The following RBBP8 variants were observed in gnomAD, a reference collection of about 807,000 sequenced individuals.
RBBP8 encodes the protein DNA endonuclease RBBP8.
In RBBP8, 88 loss-of-function variants were observed where a neutral mutation model predicts 108.3. The observed-to-expected ratio is 0.81, with a 90% confidence interval of 0.68 to 0.97. The LOEUF (loss-of-function observed/expected upper bound fraction) is 0.97. Ranked by LOEUF, RBBP8 falls within the 50% of genes least tolerant of loss-of-function variation. RBBP8 has a pLI of 0.00. For synonymous variants in RBBP8, 332 were observed against 348.2 expected, an observed-to-expected ratio of 0.95 and a Z score of 0.52; for missense variants, 1,023 against 1,049.0, an observed-to-expected ratio of 0.98 and a Z score of 0.34.
chr18:22,920,758 T>C (rs551406327), intron 3 of RBBP8: 55 of 152,278 alleles, frequency 3.6e-4, no homozygotes, highest in African/African-American at 1.3e-3. Context: ...ACCATCTGAC[T>C]CACCTGGAGG....
intron 10 of RBBP8, among the ~76,000 whole-genome samples, chr18:22,992,399 T>C (rs577202977): frequency 5.3e-4 from 81 of 152,320 alleles, no homozygotes; most frequent in African/African-American, 1.8e-3. Flanking sequence ...TTTCACCATG[T>C]TAGCCAGGCT....
chr18:23,022,284 T>C lies in RBBP8; in HGVS notation c.2596+14T>C, dbSNP rs1720234006. On this transcript the variant is annotated intron_variant, in intron 18 of 18. Transcript: ENST00000327155. Reference sequence around the variant, plus strand: ...GTATGGAAAGAGGTGAGAGTATAGATTGTAACATTTTATAATTATTTTTTT... The same window carrying C: ...GTATGGAAAGAGGTGAGAGTATAGACTGTAACATTTTATAATTATTTTTTT... The C allele has an allele frequency of 6.3e-7, 1 of 1,594,008 alleles. No individual in the cohort carries two copies. Among genetic ancestry groups the C allele is most frequent in the Non-Finnish European group, 8.6e-7 (1 of 1,165,078 alleles).
At chr18:22,970,163 C>G (rs1324509826) in intron 5 of RBBP8, among the ~76,000 whole-genome samples, 1 of 152,164 alleles carries the variant, frequency 6.6e-6, no homozygotes. Flanking sequence ...ATGTAGTATT[C>G]GGTGTCTGGC....
At chr18:22,982,181 T>C (rs1268474789) in intron 6 of RBBP8, 37 bp from the exon 7 acceptor site, 2 of 1,586,708 alleles carry the variant, frequency 1.3e-6, no homozygotes, top group Admixed American at 1.7e-5. Flanking sequence ...TTAATACTCA[T>C]TGAATTGATT....
intron 7 of RBBP8, among the ~76,000 whole-genome samples, chr18:22,983,956 G>GTGC (rs1224590971): frequency 6.6e-6 from 1 of 152,038 alleles, no homozygotes; most frequent in Non-Finnish European, 1.5e-5. Flanking sequence ...TGGCACACGC[G>GTGC]TGCAGTCCCA....
rs531572127 is a variant in RBBP8, at chr18:22,924,348, T to C, written c.-153-5035T>C. Among the ~76,000 whole-genome samples the C allele has an allele frequency of 1.1e-3, 170 of 152,226 alleles. 1 individual carries two copies. The highest frequency in any genetic ancestry group is 6.3e-3 in the Admixed American group (97 of 15,282). On this transcript the variant is annotated intron_variant, in intron 3 of 4. Transcript: ENST00000577588. ...TTCACCACGTTGACGAGGATGGTCT[T>C]GATCTCTTGACCTCATGATCTGCCT...
In RBBP8 at chr18:22,993,210, C is replaced by G. The variant is rs768585275; in HGVS notation, c.1383C>G (p.Pro461=). The change falls in exon 11 of 19, where the codon CCC becomes CCG. Residue 461 remains proline (P), a synonymous_variant. Coordinates refer to ENST00000327155, the MANE Select transcript of RBBP8 (RefSeq NM_002894.3). ...EEESEHEVSC[P]QASFDKENAF... The stretch of plus-strand genomic sequence containing the variant: ...AAAGTGAACATGAAGTAAGCTGCCC[C>G]CAAGCTTCTTTTGATAAAGAAAATG... The G allele has an allele frequency of 1.5e-5, 24 of 1,614,134 alleles. No homozygotes were observed. The South Asian group carries it at 2.5e-4, about 17-fold the overall frequency.
At chr18:22,957,291 C>CTTTTTGTTTTTTTTTTTTTTT (rs1912645709) in intron 4 of RBBP8, among the ~76,000 whole-genome samples, 1 of 92,842 alleles carries the variant, frequency 1.1e-5, no homozygotes, top group Non-Finnish European at 1.9e-5. Context: ...ATTACTTTTT[C>CTTTTTGTTTTTTTTTTTTTTT]TTTTTTTTTT....
At chr18:22,954,408 C>G (rs1212721804) in intron 4 of RBBP8, among the ~76,000 whole-genome samples, 2 of 152,206 alleles carry the variant, frequency 1.3e-5, no homozygotes, top group African/African-American at 2.4e-5. Flanking sequence ...AATCCAAAAT[C>G]CAGCAGGGCA....
At chr18:22,994,014 C>CTGTTTTTT (rs2045801347) in intron 12 of RBBP8, among the ~76,000 whole-genome samples, 167 bp downstream of exon 12, 1 of 75,104 alleles carries the variant, frequency 1.3e-5, no homozygotes, top group African/African-American at 5.6e-5. Flanking sequence ...TTTTTCTGTT[C>CTGTTTTTT]TTTTTTTTTT....
chr18:22,989,431 C>G (rs985754039), intron 9 of RBBP8, 113 bp downstream of exon 9: 74 of 749,822 alleles, frequency 9.9e-5, no homozygotes, highest in Non-Finnish European at 3.6e-5. Context: ...GGGTAAAGGC[C>G]TGAAACAAAA....
At chr18:22,943,362 C>T (rs1050866053) in intron 2 of RBBP8, among the ~76,000 whole-genome samples, 34 of 151,992 alleles carry the variant, frequency 2.2e-4, no homozygotes, top group Non-Finnish European at 2.9e-4. Context: ...TCGCTTGGGC[C>T]TGGTAAGTCA....
chr18:23,025,943 T>C (rs2046444118), intron 18 of RBBP8, among the ~76,000 whole-genome samples, 200 bp from the exon 19 acceptor site: 1 of 152,240 alleles, frequency 6.6e-6, no homozygotes, highest in South Asian at 2.1e-4. Context: ...TGTAACCATT[T>C]GGTAAATATT....
At position 22,980,904 on chromosome 18, in the gene RBBP8, G is replaced by A. The variant is rs62095205; in HGVS notation, c.429-1314G>A. Among the ~76,000 whole-genome samples, 380 of 147,390 alleles carry A rather than the reference G, an allele frequency of 2.6e-3. 1 individual carries two copies. The highest frequency in any genetic ancestry group is 4.6e-3 in the Non-Finnish European group (310 of 67,132). ...AAATTTTTTAATATATTTGTACGTA[G>A]CAATAGGGTTTTGCCTGGGCCTCCC... On this transcript the variant is annotated intron_variant, in intron 6 of 18. Transcript: ENST00000327155.
At chr18:22,918,445 A>C (rs1909451341) in intron 3 of RBBP8, among the ~76,000 whole-genome samples, 1 of 152,172 alleles carries the variant, frequency 6.6e-6, no homozygotes, top group African/African-American at 2.4e-5. Context: ...ACTGTAACAT[A>C]GTGTGTGTGA....
rs755576879 is a variant in RBBP8 at position 23,022,117 on chromosome 18, T to G, written c.2455-12T>G. Reference sequence around the variant, plus strand: ...TTCTTTAGTGAAAAAACTTACCAGTTTTTATTATTAGTATTATGCAGATAT... The same window carrying G: ...TTCTTTAGTGAAAAAACTTACCAGTGTTTATTATTAGTATTATGCAGATAT... On this transcript the variant is annotated splice_polypyrimidine_tract_variant and intron_variant, in intron 17 of 18. Coordinates refer to ENST00000327155, the MANE Select transcript of RBBP8 (RefSeq NM_002894.3). 1.6e-5 allele frequency: 26 copies of G among 1,585,678 alleles called. No homozygotes were observed. Among genetic ancestry groups the G allele is most frequent in the Non-Finnish European group, 2.3e-5 (26 of 1,154,344 alleles).
chr18:23,012,619 T>C (rs1598743792), intron 16 of RBBP8, among the ~76,000 whole-genome samples: 1 of 152,298 alleles, frequency 6.6e-6, no homozygotes, highest in Admixed American at 6.5e-5. Context: ...CTAGCAGAGG[T>C]TGGTTCATGA....
chr18:22,943,538 C>T (rs1911280651), intron 2 of RBBP8, among the ~76,000 whole-genome samples: 1 of 151,794 alleles, frequency 6.6e-6, no homozygotes, highest in Non-Finnish European at 1.5e-5. Flanking sequence ...AATTAATTTA[C>T]CCATTTTGAG....
intron 17 of RBBP8, among the ~76,000 whole-genome samples, chr18:23,017,171 A>G (rs2046270981): frequency 6.6e-6 from 1 of 151,526 alleles, no homozygotes; most frequent in Non-Finnish European, 1.5e-5. Flanking sequence ...CCTGGCCAAC[A>G]TGGCGAAACC....
Sources: gnomAD v4.1 joint callset for allele counts (sites outside exome capture counted in the v4.1 genomes callset) on GRCh38, gnomAD v4.1.1 for gene constraint, MANE v1.5 for transcripts, NCBI Gene and HGNC (gene_info 2026-07-23, HGNC 2026-07-21) for gene names.